The following FARS2 variants were observed in gnomAD, a reference collection of about 807,000 sequenced individuals.
The protein encoded by FARS2 is phenylalanyl-tRNA synthetase 2, mitochondrial, also known as phenylalanine--tRNA ligase, mitochondrial.
Under a neutral mutation model 46.4 loss-of-function variants are expected in FARS2, and 40 were observed. The ratio of observed to expected loss-of-function variants is 0.86; its 90% CI spans 0.67 to 1.12. FARS2 has a LOEUF of 1.12. Ranked by LOEUF, FARS2 falls within the 50% of genes most tolerant of loss-of-function variation. FARS2 has a pLI of 0.00. For synonymous variants in FARS2, 234 were observed against 214.9 expected (o/e 1.09, Z -0.78); for missense variants, 513 against 567.9 (o/e 0.90, Z 0.98).
At chr6:5,733,887 A>G (rs528684188) in intron 6 of FARS2, among the ~76,000 whole-genome samples, 1 of 152,368 alleles carries the variant, frequency 6.6e-6, no homozygotes, top group South Asian at 2.1e-4. Flanking sequence ...GTTTTCTTAC[A>G]TGTATGGAGT....
At chr6:5,748,774 T>G (rs1367272103) in intron 6 of FARS2, among the ~76,000 whole-genome samples, 1 of 152,172 alleles carries the variant, frequency 6.6e-6, no homozygotes, top group Non-Finnish European at 1.5e-5. Context: ...CCAATACAAA[T>G]TAAGTGCTGC....
chr6:5,441,657 A>G (rs1763850366), intron 4 of FARS2, among the ~76,000 whole-genome samples: 1 of 152,146 alleles, frequency 6.6e-6, no homozygotes, highest in Non-Finnish European at 1.5e-5. Context: ...TCTTTAATGA[A>G]TATTTGCTTG....
At chr6:5,631,882 A>T (rs1029976593) in intron 6 of FARS2, among the ~76,000 whole-genome samples, 1 of 152,212 alleles carries the variant, frequency 6.6e-6, no homozygotes, top group Admixed American at 6.5e-5. Flanking sequence ...AATTTGTTTA[A>T]TTAAAATTAC....
intron 6 of FARS2, among the ~76,000 whole-genome samples, chr6:5,638,417 T>C (rs1034712493): frequency 2.6e-5 from 4 of 152,002 alleles, no homozygotes; most frequent in Admixed American, 6.6e-5. Context: ...ATACAAAAAT[T>C]AGCCGGATGT....
At chr6:5,529,596 G>A (rs1185096470) in intron 4 of FARS2, among the ~76,000 whole-genome samples, 1 of 152,210 alleles carries the variant, frequency 6.6e-6, no homozygotes, top group Admixed American at 6.5e-5. Context: ...GTCAGCCGCT[G>A]TGCCCAGCCT....
chr6:5,615,050 C>T lies in FARS2; in HGVS notation c.1217+1730C>T, dbSNP rs148415168. 1.5e-4 allele frequency among the ~76,000 whole-genome samples: 23 copies of T among 152,284 alleles called. No homozygotes were observed. In the East Asian group the frequency reaches 3.1e-3, roughly 20 times the overall value. On this transcript the variant is annotated intron_variant, in intron 6 of 6. Coordinates refer to ENST00000274680, the MANE Select transcript of FARS2 (RefSeq NM_006567.5). ...TTGTTTTAAAGGATTCCTTCTTTAT[C>T]TTTCAAGTTTATTATCTTTATCAGG... is the stretch of plus-strand genomic sequence containing the variant.
intron 6 of FARS2, among the ~76,000 whole-genome samples, chr6:5,758,173 T>C (rs1762305843): frequency 1.3e-5 from 2 of 152,108 alleles, no homozygotes; most frequent in African/African-American, 4.8e-5. Context: ...CCATGTGGTC[T>C]ATGTTGAAGT....
At chr6:5,444,313 A>AAAAAT (rs1039819531) in intron 4 of FARS2, among the ~76,000 whole-genome samples, 1 of 151,880 alleles carries the variant, frequency 6.6e-6, no homozygotes, top group African/African-American at 2.4e-5. Flanking sequence ...CTAAAAATAC[A>AAAAAT]AAAATTAGCT....
At chr6:5,625,095 A>T (rs970396732) in intron 6 of FARS2, among the ~76,000 whole-genome samples, 1 of 152,118 alleles carries the variant, frequency 6.6e-6, no homozygotes, top group South Asian at 2.1e-4. Flanking sequence ...AAACGAAGAG[A>T]TTTATGAATT....
At chr6:5,672,911 T>G (rs1192806340) in intron 6 of FARS2, among the ~76,000 whole-genome samples, 1 of 152,204 alleles carries the variant, frequency 6.6e-6, no homozygotes, top group Non-Finnish European at 1.5e-5. Context: ...GATGGGCCAC[T>G]GCAATTAAAG....
chr6:5,635,383 A>G (rs1202313095), intron 6 of FARS2, among the ~76,000 whole-genome samples: 1 of 152,200 alleles, frequency 6.6e-6, no homozygotes, highest in Non-Finnish European at 1.5e-5. Flanking sequence ...CAATAAAATT[A>G]CTTTCTTAAG....
At chr6:5,321,458 G>A (rs1769969447) in intron 1 of FARS2, among the ~76,000 whole-genome samples, 1 of 152,080 alleles carries the variant, frequency 6.6e-6, no homozygotes, top group African/African-American at 2.4e-5. Context: ...GGATGTGTTG[G>A]GGGAAACCTG....
intron 4 of FARS2, among the ~76,000 whole-genome samples, chr6:5,450,750 A>C (rs1315973840): frequency 6.6e-6 from 1 of 152,022 alleles, no homozygotes; most frequent in Non-Finnish European, 1.5e-5. Context: ...TTGAGGCGGG[A>C]GAAGCACACA....
chr6:5,486,629 G>T (rs374675464), intron 4 of FARS2, among the ~76,000 whole-genome samples: 1 of 152,300 alleles, frequency 6.6e-6, no homozygotes, highest in East Asian at 1.9e-4. Context: ...AGTATATTTT[G>T]TTGCTGAACA....
chr6:5,514,679 C>G (rs1768675783), intron 4 of FARS2, among the ~76,000 whole-genome samples: 2 of 152,136 alleles, frequency 1.3e-5, no homozygotes, highest in African/African-American at 4.8e-5. Context: ...CCACTACAGT[C>G]TTATACTGAC....
intron 4 of FARS2, among the ~76,000 whole-genome samples, chr6:5,526,048 A>T (rs1048292839): frequency 1.3e-5 from 2 of 152,228 alleles, no homozygotes; most frequent in Non-Finnish European, 2.9e-5. Flanking sequence ...ATCCAATAAG[A>T]TTCAATGATA....
At chr6:5,709,691 T>C (rs574729359) in intron 6 of FARS2, among the ~76,000 whole-genome samples, 10,296 of 43,388 alleles carry the variant, frequency 0.24, 1,325 homozygotes, top group African/African-American at 0.42. Flanking sequence ...TGTGTGTGTG[T>C]GTGTGTGCGC....
chr6:5,320,698 G>A (rs1769907502), intron 1 of FARS2, among the ~76,000 whole-genome samples: 1 of 152,224 alleles, frequency 6.6e-6, no homozygotes, highest in Non-Finnish European at 1.5e-5. Flanking sequence ...AGTTTTCAGT[G>A]TCAAAGGGAG....
At chr6:5,742,811 C>T (rs1221714930) in intron 6 of FARS2, among the ~76,000 whole-genome samples, 1 of 151,758 alleles carries the variant, frequency 6.6e-6, no homozygotes, top group African/African-American at 2.4e-5. Flanking sequence ...AAATAGAAAA[C>T]AAAGCAAAAC....
Sources: gnomAD v4.1 joint callset for allele counts (sites outside exome capture counted in the v4.1 genomes callset) on GRCh38, gnomAD v4.1.1 for gene constraint, MANE v1.5 for transcripts, NCBI Gene and HGNC (gene_info 2026-07-23, HGNC 2026-07-21) for gene names.